CEMIP: variants seen among roughly 807,000 people sequenced by gnomAD.
The protein encoded by CEMIP is cell migration inducing hyaluronidase 1.
Under a neutral mutation model 156.9 loss-of-function variants are expected in CEMIP, and 105 were observed. The observed-to-expected ratio is 0.67, with a 90% CI of 0.57 to 0.79. The LOEUF is 0.79. CEMIP is among the 30% of genes least tolerant of loss of function. CEMIP has a pLI of 0.00. For synonymous variants in CEMIP, 676 were observed against 668.4 expected, an observed-to-expected ratio of 1.01 and a Z score of -0.17; for missense variants, 1,457 against 1,769.4, an observed-to-expected ratio of 0.82 and a Z score of 3.17.
intron 3 of CEMIP, among the ~76,000 whole-genome samples, chr15:80,876,187 G>A (rs1478314912): frequency 6.6e-6 from 1 of 152,184 alleles, no homozygotes; most frequent in Non-Finnish European, 1.5e-5. Flanking sequence ...CACCACCTTG[G>A]AGCCTGACAC....
intron 9 of CEMIP, 48 bp from the exon 10 acceptor site, chr15:80,889,423 C>A: frequency 6.2e-7 from 1 of 1,612,986 alleles, no homozygotes; most frequent in Non-Finnish European, 8.5e-7. Flanking sequence ...TGTGACTTGC[C>A]CTCACAGACA....
intron 1 of CEMIP, among the ~76,000 whole-genome samples, chr15:80,836,070 GTGA>G (rs1897264306): frequency 1.4e-5 from 1 of 69,794 alleles, no homozygotes; most frequent in Non-Finnish European, 2.7e-5. Flanking sequence ...TGAGACGGAA[GTGA>G]TTTTTTTTTT....
chr15:80,822,511 C>T (rs1450566748), intron 1 of CEMIP, among the ~76,000 whole-genome samples: 4 of 152,140 alleles, frequency 2.6e-5, no homozygotes, highest in Admixed American at 6.5e-5. Context: ...TGTCACTGTC[C>T]GGTTCTTATG....
chr15:80,853,270 A>G (rs1342115709), intron 1 of CEMIP, among the ~76,000 whole-genome samples: 4 of 152,184 alleles, frequency 2.6e-5, no homozygotes, highest in African/African-American at 9.7e-5. Flanking sequence ...GGGGAAAAGC[A>G]TGGGGTTTGG....
At chr15:80,938,619 G>T (rs567912378) in intron 25 of CEMIP, among the ~76,000 whole-genome samples, 1 of 152,122 alleles carries the variant, frequency 6.6e-6, no homozygotes, top group South Asian at 2.1e-4. Context: ...AGAAGGCACA[G>T]GGAAAATAGG....
rs535954707 is a variant in CEMIP, at chr15:80,908,075, C to T, written c.1588-1022C>T. Among the ~76,000 whole-genome samples the T allele has an allele frequency of 3.9e-5, 6 of 152,256 alleles. No individual in the cohort carries two copies. In the South Asian group the frequency reaches 1.2e-3, roughly 32 times the overall value. ...ACTCATTCAATGCTAGCAGCGCTCC[C>T]CAGTTATTATCACCACCAAAAACGC... On this transcript the variant is annotated intron_variant, in intron 13 of 29. Coordinates refer to ENST00000394685, the MANE Select transcript of CEMIP (RefSeq NM_001293298.2).
chr15:80,822,499 G>C (rs1896934844), intron 1 of CEMIP, among the ~76,000 whole-genome samples: 1 of 152,178 alleles, frequency 6.6e-6, no homozygotes. Context: ...CTCCCTTTAA[G>C]CTGTCACTGT....
At chr15:80,849,007 A>G (rs549073125) in intron 1 of CEMIP, among the ~76,000 whole-genome samples, 24 of 84,022 alleles carry the variant, frequency 2.9e-4, no homozygotes, top group Middle Eastern at 0.014. Flanking sequence ...TTTTTTTTTG[A>G]GAGAGATAGA....
intron 1 of CEMIP, among the ~76,000 whole-genome samples, chr15:80,845,743 G>A (rs1247117479): frequency 1.3e-5 from 2 of 152,188 alleles, no homozygotes; most frequent in Non-Finnish European, 1.5e-5. Context: ...GGGATGGAGT[G>A]GGCAGGCCAT....
intron 7 of CEMIP, among the ~76,000 whole-genome samples, chr15:80,885,819 C>A (rs770844663): frequency 1.5e-4 from 23 of 152,214 alleles, no homozygotes; most frequent in Non-Finnish European, 2.4e-4. Flanking sequence ...ATGTTAGCAA[C>A]TATTTTCTCC....
At chr15:80,815,203 C>T (rs757000925) in intron 1 of CEMIP, among the ~76,000 whole-genome samples, 1 of 152,264 alleles carries the variant, frequency 6.6e-6, no homozygotes, top group Non-Finnish European at 1.5e-5. Flanking sequence ...CTCCGTCACT[C>T]ACTAACTTTC....
chr15:80,865,307 G>T (rs1266786524), intron 1 of CEMIP, among the ~76,000 whole-genome samples: 2 of 152,038 alleles, frequency 1.3e-5, no homozygotes, highest in African/African-American at 4.8e-5. Context: ...TCAGCCTCCT[G>T]GGTAGCTGGG....
Position 80,931,890 on chromosome 15 carries a change from G to A in CEMIP, c.2644G>A (p.Asp882Asn). 1 of 1,614,182 alleles carries A rather than the reference G, an allele frequency of 6.2e-7. No individual in the cohort carries two copies. The highest frequency in any genetic ancestry group is 8.5e-7 in the Non-Finnish European group (1 of 1,180,026). ...NFPIRGIQLYDGPINIQNCTF... is the reference protein window; with the variant it reads ...NFPIRGIQLYNGPINIQNCTF... ...TCCAATTAGAGGAATTCAGTTATAT[G>A]ATGGCCCCATCAACATCCAAAACTG... Residue 882 changes from aspartate to asparagine, a missense_variant, in exon 22 of 30, where the codon GAT becomes AAT. Coordinates refer to ENST00000394685, the MANE Select transcript of CEMIP (RefSeq NM_001293298.2).
intron 19 of CEMIP, among the ~76,000 whole-genome samples, chr15:80,927,029 C>T (rs1900716552): frequency 6.6e-6 from 1 of 152,176 alleles, no homozygotes; most frequent in Non-Finnish European, 1.5e-5. Flanking sequence ...CGGGGTTTCA[C>T]CACATTGGCC....
At chr15:80,874,501 T>C (rs1898406083) in intron 3 of CEMIP, among the ~76,000 whole-genome samples, 2 of 151,958 alleles carry the variant, frequency 1.3e-5, no homozygotes, top group African/African-American at 4.8e-5. Flanking sequence ...AAAACACGTA[T>C]CTGAGAAATA....
chr15:80,814,369 C>A (rs1295742429), intron 1 of CEMIP, among the ~76,000 whole-genome samples: 1 of 152,112 alleles, frequency 6.6e-6, no homozygotes, highest in Non-Finnish European at 1.5e-5. Flanking sequence ...GGCTTGACAC[C>A]AGAGCAACCC....
intron 1 of CEMIP, among the ~76,000 whole-genome samples, chr15:80,804,890 A>C (rs1896473951): frequency 6.6e-6 from 1 of 152,150 alleles, no homozygotes; most frequent in Non-Finnish European, 1.5e-5. Flanking sequence ...AAGCAACAAT[A>C]AGGTTTTGGA....
Position 80,948,751 on chromosome 15 carries a change from TC to T in CEMIP, c.3959-44del, listed in dbSNP as rs1429918408. 3 of 1,613,262 alleles carry T rather than the reference TC, an allele frequency of 1.9e-6. No individual in the cohort carries two copies. The East Asian group carries it at 6.7e-5, about 36-fold the overall frequency. On this transcript the variant is annotated intron_variant, in intron 29 of 29. Coordinates refer to ENST00000394685, the MANE Select transcript of CEMIP (RefSeq NM_001293298.2). Reference sequence around the variant, plus strand: ...GCCATGGAACGGGGTGGGGCAGCCGTCCTCTCATAGGGCTTTTGCTCAGGAG... The same window carrying T: ...GCCATGGAACGGGGTGGGGCAGCCGTCTCTCATAGGGCTTTTGCTCAGGAG...
intron 1 of CEMIP, among the ~76,000 whole-genome samples, chr15:80,783,366 G>T (rs1895845536): frequency 6.6e-6 from 1 of 152,192 alleles, no homozygotes; most frequent in Admixed American, 6.5e-5. Context: ...TCTACATGAT[G>T]GCACATACCC....
Sources: allele counts gnomAD v4.1 joint callset (sites outside exome capture counted in the v4.1 genomes callset), GRCh38; gene constraint gnomAD v4.1.1; transcripts MANE v1.5; gene names NCBI Gene and HGNC (gene_info 2026-07-23, HGNC 2026-07-21).